Variants in RABGGTA observed in about 807,000 individuals in gnomAD.
RABGGTA encodes the protein Rab geranylgeranyltransferase subunit alpha.
A neutral mutation model predicts 83.3 loss-of-function variants in RABGGTA; 69 were observed. The observed-to-expected ratio is 0.83, with a 90% CI of 0.68 to 1.01. The LOEUF (loss-of-function observed/expected upper bound fraction) is 1.01. Ranked by LOEUF, RABGGTA falls within the 50% of genes least tolerant of loss-of-function variation. The probability of loss-of-function intolerance (pLI) is 0.00; values close to 1 mark genes in which losing one functional copy is unlikely to be tolerated. For synonymous variants in RABGGTA, 310 were observed against 299.8 expected, an observed-to-expected ratio of 1.03 and a Z score of -0.35; for missense variants, 681 against 712.7, an observed-to-expected ratio of 0.96 and a Z score of 0.51.
At chr14:24,265,835 C>G in intron 16 of RABGGTA, 72 bp from the exon 17 acceptor site, 1 of 1,487,862 alleles carries the variant, frequency 6.7e-7, no homozygotes, top group Admixed American at 2.3e-5. Context: ...CCCTCAAGAG[C>G]TGGGGACTGC....
intron 1 of RABGGTA, 61 bp downstream of exon 1, chr14:24,271,426 T>G: frequency 3.5e-6 from 1 of 283,882 alleles, no homozygotes; most frequent in Non-Finnish European, 6.6e-6. Flanking sequence ...TCCCCAAAGG[T>G]TGCCGCTACC....
chr14:24,268,507 C>T lies in RABGGTA; in HGVS notation c.1006+7G>A. 1 of 1,613,776 alleles carries T rather than the reference C, an allele frequency of 6.2e-7. No homozygotes were observed. The highest frequency in any genetic ancestry group is 8.5e-7 in the Non-Finnish European group (1 of 1,179,692). ...CTGCAAGGGGTGGAGGCTGCAGGTT[C>T]CATCACCTTTTAAAAGCACGCATTC... On this transcript the variant is annotated splice_region_variant and intron_variant, in intron 10 of 16. Coordinates refer to ENST00000216840, the MANE Select transcript of RABGGTA (RefSeq NM_182836.3).
In RABGGTA at chr14:24,268,094, C is replaced by T. The variant is rs374107829; in HGVS notation, c.1147+16G>A. 6.0e-5 allele frequency: 96 copies of T among 1,613,400 alleles called. No individual in the cohort carries two copies. Among genetic ancestry groups the T allele is most frequent in the African/African-American group, 2.7e-4 (20 of 74,900 alleles). Reference sequence around the variant, plus strand: ...AGCGGGCTCTGGGAGCAGACTCTCACGGAATGGGGCCTCACATTTATTCTC... The same window carrying T: ...AGCGGGCTCTGGGAGCAGACTCTCATGGAATGGGGCCTCACATTTATTCTC... On this transcript the variant is annotated intron_variant, in intron 12 of 16. Transcript: ENST00000216840.
At position 24,269,623 on chromosome 14, in the gene RABGGTA, T is replaced by G; in HGVS notation, c.499A>C (p.Thr167Pro). 2 of 1,613,952 alleles carry G rather than the reference T, an allele frequency of 1.2e-6. No homozygotes were observed. The highest frequency in any genetic ancestry group is 2.7e-5 in the African/African-American group (2 of 75,012). The change falls in exon 6 of 17, where the codon ACT becomes CCT. Residue 167 changes from threonine to proline, a missense_variant. Coordinates refer to ENST00000216840, the MANE Select transcript of RABGGTA (RefSeq NM_182836.3). ...AAGTTTCGGGTGATGAGGCTGTCAG[T>G]GAAGGCTAGCTCTTCTGCAGGGGGC... is the stretch of plus-strand genomic sequence containing the variant. ...AVPPAEELAF[T>P]DSLITRNFSN...
Position 24,266,811 on chromosome 14 carries a change from G to C in RABGGTA, c.1432C>G (p.Leu478Val), listed in dbSNP as rs758633943. Residue 478 changes from leucine to valine, a missense_variant, in exon 15 of 17, where the codon CTG (leucine) becomes GTG (valine). Around this residue, in one of 5 missense-constraint regions of RABGGTA, gnomAD observed 421 missense variants for 418.5 expected, o/e 1.01. Transcript: ENST00000216840. The stretch of plus-strand genomic sequence containing the variant: ...CGCAGGGCAGCCAGTGCAGGTGGCA[G>C]GGTTCGGAGGCGATTGTGTGACAAG... Reference protein sequence around the residue: ...LDLSHNRLRTLPPALAALRCL... With the variant: ...LDLSHNRLRTVPPALAALRCL... 1.2e-6 allele frequency: 2 copies of C among 1,614,016 alleles called. No homozygotes were observed. The highest frequency in any genetic ancestry group is 1.7e-5 in the Admixed American group (1 of 60,032).
rs752179545 is a variant in RABGGTA, at chr14:24,266,647, T to C, written c.1467+129A>G. The C allele has an allele frequency of 4.4e-5, 53 of 1,207,980 alleles. 2 individuals carry two copies. In the South Asian group the frequency reaches 6.3e-4, roughly 14 times the overall value. The allele number at this position is 1,207,980 out of a possible 1,614,324, so 74.8% of individuals were successfully genotyped here. A position where few individuals can be genotyped will look rare whatever the true frequency, so the allele number is the denominator to read the frequency against. On this transcript the variant is annotated intron_variant, in intron 15 of 16. Coordinates refer to ENST00000216840, the MANE Select transcript of RABGGTA (RefSeq NM_182836.3). ...ACAGGGTCAGGCTGCGTGATGGAGGTGGAAGGCACGCAGTTACCTGTTCGG... is the reference window on the plus strand; with the variant it reads ...ACAGGGTCAGGCTGCGTGATGGAGGCGGAAGGCACGCAGTTACCTGTTCGG...
intron 5 of RABGGTA, 118 bp from the exon 6 acceptor site, chr14:24,269,812 G>A: frequency 7.1e-7 from 1 of 1,416,192 alleles, no homozygotes. Flanking sequence ...CACGGAGGAT[G>A]CATTTGGCTC....
chr14:24,271,271 T>A, intron 1 of RABGGTA, 102 bp from the exon 2 acceptor site: 1 of 970,750 alleles, frequency 1.0e-6, no homozygotes, highest in Non-Finnish European at 1.5e-6. Flanking sequence ...CCCCAGAGTG[T>A]AAAGAGGTCC....
chr14:24,269,699 A>G lies in RABGGTA; in HGVS notation c.428-5T>C. ...GCCGATAGTCCCAGCAGTGAACTGG[A>G]GGGGAGAGGTGACAGCATATCTTAG... On this transcript the variant is annotated splice_region_variant and splice_polypyrimidine_tract_variant and intron_variant, in intron 5 of 16. Coordinates refer to ENST00000216840, the MANE Select transcript of RABGGTA (RefSeq NM_182836.3). The G allele has an allele frequency of 4.3e-6, 7 of 1,613,518 alleles. No homozygotes were observed. The highest frequency in any genetic ancestry group is 5.9e-6 in the Non-Finnish European group (7 of 1,179,534).
intron 15 of RABGGTA, 124 bp from the exon 16 acceptor site, chr14:24,266,641 T>C (rs767092906): frequency 3.0e-5 from 37 of 1,223,686 alleles, no homozygotes; most frequent in Middle Eastern, 1.9e-4. Flanking sequence ...GGCTGCGTGA[T>C]GGAGGTGGAA....
rs771895219 is a variant in RABGGTA, at chr14:24,269,177, G to A, written c.632-14C>T. 2.6e-5 allele frequency: 42 copies of A among 1,603,214 alleles called. No homozygotes were observed. The East Asian group carries it at 5.2e-4, about 20-fold the overall frequency. ...CCAGCTCCAGCTCTGTGGGGTTCCA[G>A]GAGGCATGGGGCTGTGGTCAGGACA... On this transcript the variant is annotated splice_polypyrimidine_tract_variant and intron_variant, in intron 6 of 16. Transcript: ENST00000216840.
At position 24,270,364 on chromosome 14, in the gene RABGGTA, C is replaced by G. The variant is rs751275712; in HGVS notation, c.209G>C (p.Arg70Pro). Residue 70 changes from arginine (R) to proline (P), a missense_variant, in exon 4 of 17, where the codon CGA (arginine) becomes CCA (proline). By Grantham distance (103) the Arg-to-Pro change is moderately radical. Coordinates refer to ENST00000216840, the MANE Select transcript of RABGGTA (RefSeq NM_182836.3). ...AGTCTCCAGCTGCTGGAGCACCTCT[C>G]GTCGGCAGTTCCAGAGGGTGGCAAA... ...PDFATLWNCRREVLQQLETQK... is the reference protein window; with the variant it reads ...PDFATLWNCRPEVLQQLETQK... The G allele has an allele frequency of 6.2e-7, 1 of 1,613,898 alleles. No homozygotes were observed. The highest frequency in any genetic ancestry group is 8.5e-7 in the Non-Finnish European group (1 of 1,179,852).
chr14:24,270,942 T>C lies in RABGGTA; in HGVS notation c.9A>G (p.Gly3=), dbSNP rs1463023845. 2 of 1,613,810 alleles carry C rather than the reference T, an allele frequency of 1.2e-6. No homozygotes were observed. MH[G]RLKVKTSEEQ... ...CTTCTGACGTCTTCACCTTCAGGCGTCCGTGCTACAAGGATGAACGGGTTG... is the reference window on the plus strand; with the variant it reads ...CTTCTGACGTCTTCACCTTCAGGCGCCCGTGCTACAAGGATGAACGGGTTG... Residue 3 remains glycine, a synonymous_variant, in exon 3 of 17, where the codon GGA becomes GGG. Coordinates refer to ENST00000216840, the MANE Select transcript of RABGGTA (RefSeq NM_182836.3).
chr14:24,266,321 C>T, intron 16 of RABGGTA, 109 bp downstream of exon 16: 1 of 1,016,102 alleles, frequency 9.8e-7, no homozygotes, highest in South Asian at 1.4e-5. Context: ...AGAGCCCCCT[C>T]TCTCCTGCCC....
In RABGGTA at chr14:24,265,634, A is replaced by T. The variant is rs267603966; in HGVS notation, c.1685T>A (p.Val562Asp). 46 of 1,613,624 alleles carry T rather than the reference A, an allele frequency of 2.9e-5. 1 individual carries two copies. The highest frequency in any genetic ancestry group is 3.9e-5 in the Non-Finnish European group (46 of 1,179,784). Residue 562 changes from valine to aspartate, a missense_variant, in exon 17 of 17, where the codon GTT becomes GAT. Val to Asp is a radical substitution (Grantham distance 152). Coordinates refer to ENST00000216840, the MANE Select transcript of RABGGTA (RefSeq NM_182836.3). ...LEQLAELLPS[V>D]SSVLT ...GGCCTCTTAGGTGAGGACGCTGCTA[A>T]CTGAAGGCAGCAGTTCAGCCAGTTG...
chr14:24,266,450 T>G lies in RABGGTA; in HGVS notation c.1535A>C (p.Glu512Ala). ...DGVTNLPRLQELLLCNNRLQQ... is the reference protein window; with the variant it reads ...DGVTNLPRLQALLLCNNRLQQ... ...GATACGGTTGTTGCACAGTAGCAGC[T>G]CCTGCAGCCGGGGTAGGTTGGTGAC... Residue 512 changes from glutamate to alanine, a missense_variant, in exon 16 of 17, where the codon GAG (glutamate) becomes GCG (alanine). This residue lies in a region of RABGGTA where 421 missense variants were observed against 418.5 expected (regional missense o/e 1.01). Coordinates refer to ENST00000216840, the MANE Select transcript of RABGGTA (RefSeq NM_182836.3). 1 of 1,613,992 alleles carries G rather than the reference T, an allele frequency of 6.2e-7. No individual in the cohort carries two copies. Among genetic ancestry groups the G allele is most frequent in the African/African-American group, 1.3e-5 (1 of 75,044 alleles).
At position 24,270,917 on chromosome 14, in the gene RABGGTA, C is replaced by T; in HGVS notation, c.34G>A (p.Glu12Lys). ...TCTAGCCTTTTGGCCTCCGCCTGCT[C>T]TTCTGACGTCTTCACCTTCAGGCGT... Reference protein sequence around the residue: ...HGRLKVKTSEEQAEAKRLERE... With the variant: ...HGRLKVKTSEKQAEAKRLERE... The change falls in exon 3 of 17, where the codon GAG becomes AAG. Residue 12 changes from glutamate (E) to lysine (K), a missense_variant. Transcript: ENST00000216840. 6.2e-7 allele frequency: 1 copy of T among 1,614,010 alleles called. No individual in the cohort carries two copies. The highest frequency in any genetic ancestry group is 1.1e-5 in the South Asian group (1 of 91,060).
At chr14:24,269,297 C>G (rs1046192999) in intron 6 of RABGGTA, 134 bp from the exon 7 acceptor site, 3 of 1,040,776 alleles carry the variant, frequency 2.9e-6, no homozygotes, top group Non-Finnish European at 2.8e-6. Flanking sequence ...ACAGGGGCTA[C>G]GTATGTCAGT....
rs1194940775 is a variant in RABGGTA, at chr14:24,268,374, T to C, written c.1053A>G (p.Leu351=). 1.2e-6 allele frequency: 2 copies of C among 1,613,054 alleles called. No homozygotes were observed. Among genetic ancestry groups the C allele is most frequent in the African/African-American group, 2.7e-5 (2 of 74,894 alleles). Residue 351 remains leucine, a synonymous_variant, in exon 11 of 17, where the codon CTA becomes CTG. Transcript: ENST00000216840. ...TTGTGCTTCCCTATCACCACCTGAA[T>C]AGCTGCTCGTCTGTCGTGGAGTCCC... The part of the protein sequence containing the change: ...WCRDSTTDEQ[L]FRCELSVEKS...
Sources: gnomAD v4.1 joint callset for allele counts on GRCh38, gnomAD v4.1.1 for gene constraint, gnomAD v4.1.1 regional missense constraint, MANE v1.5 for transcripts, NCBI Gene and HGNC (gene_info 2026-07-23, HGNC 2026-07-21) for gene names.